The following ZBTB11 variants were observed in gnomAD, a reference collection of about 807,000 sequenced individuals.
ZBTB11 encodes the protein zinc finger and BTB domain containing 11.
A neutral mutation model predicts 113.1 loss-of-function variants in ZBTB11; 68 were observed. That is an observed-to-expected ratio of 0.60 (90% confidence interval 0.49 to 0.74). The LOEUF (loss-of-function observed/expected upper bound fraction) is 0.74, where lower values mean the gene tolerates loss of function less well. Ranked by LOEUF, ZBTB11 falls within the 30% of genes least tolerant of loss-of-function variation. ZBTB11 has a pLI of 0.00. For missense variants in ZBTB11, 1,104 were observed against 1,279.4 expected (o/e 0.86, Z 2.09); for synonymous variants, 518 against 452.6 (o/e 1.14, Z -1.83).
In ZBTB11 at chr3:101,665,041, C is replaced by G; in HGVS notation, c.1546G>C (p.Ala516Pro). The G allele has an allele frequency of 6.2e-7, 1 of 1,614,164 alleles. No individual in the cohort carries two copies. Among genetic ancestry groups the G allele is most frequent in the South Asian group, 1.1e-5 (1 of 91,082 alleles). The change falls in exon 4 of 11, where the codon GCA (alanine) becomes CCA (proline). Residue 516 changes from alanine (A) to proline (P), a missense_variant. By Grantham distance (27) the Ala-to-Pro change is conservative. Coordinates refer to ENST00000312938, the MANE Select transcript of ZBTB11 (RefSeq NM_014415.4). Reference sequence around the variant, plus strand: ...ATTCCCTTGTGTAGTCGAATATATGCCCCTTCATTAACAGAACGTTGTCGA... The same window carrying G: ...ATTCCCTTGTGTAGTCGAATATATGGCCCTTCATTAACAGAACGTTGTCGA... Reference protein sequence around the residue: ...RLRQRSVNEGAYIRLHKGMEK... With the variant: ...RLRQRSVNEGPYIRLHKGMEK...
chr3:101,670,421 G>A (rs1014896117), intron 3 of ZBTB11, among the ~76,000 whole-genome samples: 34 of 152,118 alleles, frequency 2.2e-4, no homozygotes, highest in African/African-American at 8.2e-4. Context: ...ATAAATTCTA[G>A]TGAAGCCAAA....
intron 1 of ZBTB11, among the ~76,000 whole-genome samples, chr3:101,676,157 A>G (rs1189373298): frequency 1.3e-5 from 2 of 151,874 alleles, no homozygotes; most frequent in Non-Finnish European, 2.9e-5. Context: ...CAAGCGCAGC[A>G]CTAAAGAAAC....
chr3:101,653,162 G>T (rs1936732736), intron 8 of ZBTB11, among the ~76,000 whole-genome samples: 1 of 152,086 alleles, frequency 6.6e-6, no homozygotes, highest in Non-Finnish European at 1.5e-5. Flanking sequence ...GTTCCCAAAG[G>T]TTATTACAGA....
rs1285294937 is a variant in ZBTB11, at chr3:101,668,891, T to A, written c.778+2239A>T. On this transcript the variant is annotated intron_variant, in intron 3 of 10. Coordinates refer to ENST00000312938, the MANE Select transcript of ZBTB11 (RefSeq NM_014415.4). ...AAATCATTAAGAGGGCAAATTTTGT[T>A]TTTTTTTTACAATTTGAAAACTTTA... 4.0e-5 allele frequency among the ~76,000 whole-genome samples: 6 copies of A among 151,532 alleles called. No individual in the cohort carries two copies. In the East Asian group the frequency reaches 1.2e-3, roughly 29 times the overall value.
At chr3:101,664,503 T>TA (rs1936946168) in intron 5 of ZBTB11, 35 bp downstream of exon 5, 1 of 1,570,120 alleles carries the variant, frequency 6.4e-7, no homozygotes, top group Non-Finnish European at 8.6e-7. Flanking sequence ...TATTATGAAT[T>TA]AGAGTTACCT....
At chr3:101,653,857 TAAA>T (rs1474669387) in intron 8 of ZBTB11, among the ~76,000 whole-genome samples, 1 of 152,054 alleles carries the variant, frequency 6.6e-6, no homozygotes, top group African/African-American at 2.4e-5. Flanking sequence ...CCCCTGAACC[TAAA>T]AGTTAAAAGA....
rs143572539 is a variant in ZBTB11, at chr3:101,671,745, G to A, written c.546+233C>T. 680 of 598,748 alleles carry A rather than the reference G, an allele frequency of 1.1e-3. 11 individuals carry two copies. The East Asian group carries it at 0.017, about 15-fold the overall frequency. The allele number at this position is 598,748 out of a possible 1,614,324, so 37.1% of individuals were successfully genotyped here. On this transcript the variant is annotated intron_variant, in intron 2 of 10. Transcript: ENST00000312938. ...TACCAATATATCATCACAAAAGAAG[G>A]GAGGGAGGATAATTAACAACAAACC...
chr3:101,656,837 G>C (rs140878037), intron 6 of ZBTB11, among the ~76,000 whole-genome samples: 71 of 151,992 alleles, frequency 4.7e-4, no homozygotes, highest in African/African-American at 1.7e-3. Flanking sequence ...ACTAATACTT[G>C]GTATTTAAAT....
At chr3:101,668,617 T>C (rs1278142207) in intron 3 of ZBTB11, among the ~76,000 whole-genome samples, 2 of 127,650 alleles carry the variant, frequency 1.6e-5, no homozygotes, top group Non-Finnish European at 3.5e-5. Flanking sequence ...AATAAGATTC[T>C]GTCAAAAAAA....
intron 6 of ZBTB11, among the ~76,000 whole-genome samples, chr3:101,657,514 A>C (rs1255130726): frequency 2.6e-5 from 4 of 152,054 alleles, no homozygotes; most frequent in Admixed American, 6.6e-5. Flanking sequence ...CTCCAAAAAA[A>C]AAAAACAAAA....
intron 2 of ZBTB11, 182 bp downstream of exon 2, chr3:101,671,796 G>GA (rs1372045583): frequency 2.4e-5 from 15 of 614,226 alleles, no homozygotes; most frequent in Non-Finnish European, 2.6e-5. Flanking sequence ...AGTTCATTCT[G>GA]AAAAAATAAC....
rs751253858 is a variant in ZBTB11 at position 101,676,870 on chromosome 3, C to G, written c.45G>C (p.Thr15=). ...ESYRAILRYL[T]NEREPYAPGT... is the part of the protein sequence containing the mutation. ...CCGGCGCATACGGCTCGCGCTCGTT[C>G]GTCAGGTAACGCAGGATGGCCCGGT... Residue 15 remains threonine (T), a synonymous_variant, in exon 1 of 11, where the codon ACG becomes ACC. Coordinates refer to ENST00000312938, the MANE Select transcript of ZBTB11 (RefSeq NM_014415.4). 2 of 1,606,926 alleles carry G rather than the reference C, an allele frequency of 1.2e-6. No homozygotes were observed. The highest frequency in any genetic ancestry group is 4.5e-5 in the East Asian group (2 of 44,486).
At position 101,650,196 on chromosome 3, in the gene ZBTB11, T is replaced by C. The variant is rs1295472328; in HGVS notation, c.*970A>G. ...AATTACATGGTATCCACAGAGCTGCTGTGAATGTCTATATTGCTATCTGAT... is the reference window on the plus strand; with the variant it reads ...AATTACATGGTATCCACAGAGCTGCCGTGAATGTCTATATTGCTATCTGAT... On this transcript the variant is annotated 3_prime_UTR_variant, in exon 11 of 11. Transcript: ENST00000312938. 3 of 152,222 alleles carry C rather than the reference T, an allele frequency of 2.0e-5. No homozygotes were observed. Among genetic ancestry groups the C allele is most frequent in the Non-Finnish European group, 4.4e-5 (3 of 68,014 alleles). The allele number at this position is 152,222 out of a possible 1,614,324, so 9.4% of individuals were successfully genotyped here.
chr3:101,652,317 A>C (rs1488219995), intron 10 of ZBTB11, among the ~76,000 whole-genome samples, 179 bp downstream of exon 10: 1 of 152,174 alleles, frequency 6.6e-6, no homozygotes, highest in Non-Finnish European at 1.5e-5. Flanking sequence ...GTTCACTAAA[A>C]AAGGAATCTA....
At chr3:101,667,905 C>T (rs1576651054) in intron 3 of ZBTB11, among the ~76,000 whole-genome samples, 1 of 152,132 alleles carries the variant, frequency 6.6e-6, no homozygotes, top group South Asian at 2.1e-4. Flanking sequence ...GAGATACCTG[C>T]ACCCCACGTT....
chr3:101,671,283 G>C lies in ZBTB11; in HGVS notation c.625C>G (p.Leu209Val). 2 of 1,614,188 alleles carry C rather than the reference G, an allele frequency of 1.2e-6. No individual in the cohort carries two copies. The highest frequency in any genetic ancestry group is 8.5e-7 in the Non-Finnish European group (1 of 1,180,030). ...GTAACATCACAGAACTGGTTGGAAA[G>C]TCTCTGTTCGTTCAGCTGTTTTAAG... ...AVLKQLNEQR[L>V]SNQFCDVTLL... Residue 209 changes from leucine (L) to valine (V), a missense_variant, in exon 3 of 11, where the codon CTT becomes GTT. By Grantham distance (32) the Leu-to-Val change is conservative. Around this residue, in one of 5 missense-constraint regions of ZBTB11, gnomAD observed 245 missense variants for 272.5 expected, o/e 0.90. Coordinates refer to ENST00000312938, the MANE Select transcript of ZBTB11 (RefSeq NM_014415.4).
At chr3:101,655,535 T>C (rs1377750711) in intron 7 of ZBTB11, among the ~76,000 whole-genome samples, 1 of 152,248 alleles carries the variant, frequency 6.6e-6, no homozygotes, top group African/African-American at 2.4e-5. Context: ...TTTAAAAGCA[T>C]GATCATTTCT....
rs1331540678 is a variant in ZBTB11, at chr3:101,652,543, T to C, written c.2597A>G (p.Lys866Arg). The part of the protein sequence containing the change: ...LERVCEKCGR[K>R]FTQLREYRRH... ...CCTATACTCTCTTAGCTGAGTGAAT[T>C]TTCTTCCACATTTTTCACACACCCG... is the stretch of plus-strand genomic sequence containing the variant. The change falls in exon 10 of 11, where the codon AAA (lysine) becomes AGA (arginine). Residue 866 changes from lysine (K) to arginine (R), a missense_variant. Around this residue, in one of 5 missense-constraint regions of ZBTB11, gnomAD observed 148 missense variants for 259.3 expected, o/e 0.57. Transcript: ENST00000312938. The C allele has an allele frequency of 6.2e-7, 1 of 1,614,152 alleles. No individual in the cohort carries two copies. Among genetic ancestry groups the C allele is most frequent in the Non-Finnish European group, 8.5e-7 (1 of 1,180,004 alleles).
At chr3:101,658,391 A>C (rs1356415387) in intron 6 of ZBTB11, among the ~76,000 whole-genome samples, 1 of 151,368 alleles carries the variant, frequency 6.6e-6, no homozygotes, top group East Asian at 1.9e-4. Flanking sequence ...ATGCCTGGCT[A>C]ATTTTTTGTA....
Sources: allele counts gnomAD v4.1 joint callset (sites outside exome capture counted in the v4.1 genomes callset), GRCh38; gene constraint gnomAD v4.1.1; regional missense constraint gnomAD v4.1.1; transcripts MANE v1.5; gene names NCBI Gene and HGNC (gene_info 2026-07-23, HGNC 2026-07-21).